Variants in VWC2 observed in about 807,000 individuals in gnomAD.
VWC2 encodes von Willebrand factor C domain containing 2.
A neutral mutation model predicts 29.8 loss-of-function variants in VWC2; 14 were observed. The observed-to-expected ratio is 0.47, with a 90% CI of 0.31 to 0.74. The LOEUF (loss-of-function observed/expected upper bound fraction) is 0.74, where lower values mean the gene tolerates loss of function less well. Among genes scored for constraint, VWC2 ranks in the 30% least tolerant of loss-of-function variants. The pLI, the probability that VWC2 is intolerant of heterozygous loss-of-function variation, is 0.05. For synonymous variants in VWC2, 213 were observed against 199.0 expected (o/e 1.07, Z -0.59); for missense variants, 457 against 459.8 (o/e 0.99, Z 0.05).
rs528615931 is a variant in VWC2, at chr7:49,905,839, C to T, written c.827-6195C>T. On this transcript the variant is annotated intron_variant, in intron 3 of 3. Coordinates refer to ENST00000340652, the MANE Select transcript of VWC2 (RefSeq NM_198570.5). ...ATAAAACAGGCTGCAGTAAAGAAGC[C>T]GGCTAAAACCCACCAAAACCAAGAT... Among the ~76,000 whole-genome samples the T allele has an allele frequency of 1.1e-4, 17 of 152,278 alleles. No homozygotes were observed. The South Asian group carries it at 2.9e-3, about 26-fold the overall frequency.
intron 3 of VWC2, among the ~76,000 whole-genome samples, chr7:49,856,173 G>A (rs758242642): frequency 4.6e-5 from 7 of 152,200 alleles, no homozygotes; most frequent in Non-Finnish European, 1.0e-4. Context: ...GGAATCTCAT[G>A]TTGAAATGTG....
intron 3 of VWC2, among the ~76,000 whole-genome samples, chr7:49,823,333 G>A (rs571821114): frequency 3.9e-5 from 6 of 152,070 alleles, no homozygotes; most frequent in Admixed American, 6.6e-5. Flanking sequence ...ATACAACCAC[G>A]AAATGTACTC....
intron 3 of VWC2, among the ~76,000 whole-genome samples, chr7:49,895,899 T>C (rs1003112132): frequency 5.3e-5 from 8 of 152,282 alleles, no homozygotes; most frequent in African/African-American, 1.9e-4. Flanking sequence ...AATAGTAGAA[T>C]CCATTTGTAT....
intron 2 of VWC2, among the ~76,000 whole-genome samples, chr7:49,781,248 C>CT (rs1000749664): frequency 0.019 from 2,828 of 148,780 alleles, 98 homozygotes; most frequent in African/African-American, 0.066. Flanking sequence ...TAAACAGTGA[C>CT]TTTTTTTTTT....
In VWC2 at chr7:49,813,057, T is replaced by C. The variant is rs549156417; in HGVS notation, c.826+10217T>C. Among the ~76,000 whole-genome samples the C allele has an allele frequency of 1.2e-4, 18 of 152,338 alleles. No homozygotes were observed. In the South Asian group the frequency reaches 3.1e-3, roughly 26 times the overall value. On this transcript the variant is annotated intron_variant, in intron 3 of 3. Transcript: ENST00000340652. ...TAACGTGGAAGTCCAACTCCCCACA[T>C]GTCCCGCTCTCCTGTTACTATTTTC... is the stretch of plus-strand genomic sequence containing the variant.
At chr7:49,811,997 A>G (rs774490115) in intron 3 of VWC2, among the ~76,000 whole-genome samples, 12 of 152,196 alleles carry the variant, frequency 7.9e-5, no homozygotes, top group African/African-American at 1.9e-4. Flanking sequence ...TTATCAGTAA[A>G]AAGGAATGAA....
Position 49,775,943 on chromosome 7 carries a change from G to A in VWC2, c.508G>A (p.Ala170Thr). Residue 170 changes from alanine to threonine, a missense_variant, in exon 2 of 4, where the codon GCG becomes ACG. Ala to Thr is a moderately conservative substitution (Grantham distance 58). This residue lies in a region of VWC2 where 185 missense variants were observed against 257.1 expected (regional missense o/e 0.72). Coordinates refer to ENST00000340652, the MANE Select transcript of VWC2 (RefSeq NM_198570.5). The part of the protein sequence containing the change: ...GFVYAIGEKF[A>T]PGPSACPCLC... ...CGTGTACGCGATCGGGGAGAAGTTC[G>A]CGCCGGGCCCCTCGGCCTGCCCGTG... 6.4e-7 allele frequency: 1 copy of A among 1,554,178 alleles called. No individual in the cohort carries two copies. Among genetic ancestry groups the A allele is most frequent in the East Asian group, 2.4e-5 (1 of 41,600 alleles).
intron 2 of VWC2, among the ~76,000 whole-genome samples, chr7:49,789,308 A>G (rs1264987555): frequency 1.1e-5 from 1 of 94,952 alleles, no homozygotes; most frequent in Non-Finnish European, 2.1e-5. Context: ...CGGGTGTGTG[A>G]GTGTGGGTGT....
chr7:49,869,155 T>TA (rs1791031654), intron 3 of VWC2, among the ~76,000 whole-genome samples: 1 of 152,166 alleles, frequency 6.6e-6, no homozygotes, highest in Admixed American at 6.5e-5. Context: ...AACACTACAG[T>TA]AAGGTTGAGG....
intron 2 of VWC2, among the ~76,000 whole-genome samples, chr7:49,800,848 C>CAAAAAAA (rs1167626390): frequency 1.6e-5 from 1 of 63,240 alleles, no homozygotes; most frequent in Non-Finnish European, 3.2e-5. Flanking sequence ...GTTATGGTAG[C>CAAAAAAA]AAAAAAAAAA....
chr7:49,910,414 A>C (rs1793345690), intron 3 of VWC2, among the ~76,000 whole-genome samples: 1 of 152,218 alleles, frequency 6.6e-6, no homozygotes. Flanking sequence ...ACATTATCAA[A>C]GATATTAGAA....
chr7:49,894,530 T>G (rs1272364308), intron 3 of VWC2, among the ~76,000 whole-genome samples: 1 of 152,254 alleles, frequency 6.6e-6, no homozygotes, highest in Non-Finnish European at 1.5e-5. Flanking sequence ...TGTGATACTT[T>G]TATTTCAGTA....
chr7:49,774,255 C>G (rs1788002209), intron 1 of VWC2, 142 bp downstream of exon 1: 1 of 152,644 alleles, frequency 6.6e-6, no homozygotes, highest in Non-Finnish European at 1.5e-5. Flanking sequence ...AATATGGGCG[C>G]TTCGCCCAGT....
At chr7:49,854,184 C>T (rs527806986) in intron 3 of VWC2, among the ~76,000 whole-genome samples, 4 of 152,048 alleles carry the variant, frequency 2.6e-5, no homozygotes, top group Non-Finnish European at 4.4e-5. Flanking sequence ...TACATGTGCA[C>T]GTGTCTTTAT....
At chr7:49,841,368 C>T (rs544083726) in intron 3 of VWC2, among the ~76,000 whole-genome samples, 42 of 150,992 alleles carry the variant, frequency 2.8e-4, no homozygotes, top group African/African-American at 1.0e-3. Flanking sequence ...GAACAGTCAG[C>T]TCAAAGTACT....
intron 3 of VWC2, among the ~76,000 whole-genome samples, chr7:49,820,900 G>A (rs529208449): frequency 7.2e-5 from 11 of 152,296 alleles, no homozygotes; most frequent in South Asian, 2.1e-4. Flanking sequence ...GGCTGAGGAA[G>A]GCTGGCGGGA....
intron 3 of VWC2, among the ~76,000 whole-genome samples, chr7:49,850,203 G>T (rs2128716208): frequency 6.6e-6 from 1 of 152,320 alleles, no homozygotes; most frequent in East Asian, 1.9e-4. Flanking sequence ...GTCAGATAGG[G>T]TCTGTCATCA....
At chr7:49,850,794 A>G (rs1790144598) in intron 3 of VWC2, among the ~76,000 whole-genome samples, 2 of 152,184 alleles carry the variant, frequency 1.3e-5, no homozygotes, top group South Asian at 2.1e-4. Flanking sequence ...GGGTACAGTG[A>G]GCTCCGTGTA....
intron 3 of VWC2, among the ~76,000 whole-genome samples, chr7:49,871,734 A>C (rs1329357834): frequency 6.6e-6 from 1 of 152,148 alleles, no homozygotes; most frequent in Admixed American, 6.5e-5. Flanking sequence ...GAAAAAAATC[A>C]AAACAAATAA....
Sources: gnomAD v4.1 joint callset for allele counts (sites outside exome capture counted in the v4.1 genomes callset) on GRCh38, gnomAD v4.1.1 for gene constraint, gnomAD v4.1.1 regional missense constraint, MANE v1.5 for transcripts, NCBI Gene and HGNC (gene_info 2026-07-23, HGNC 2026-07-21) for gene names.